The following CEP135 variants were observed in gnomAD, a reference collection of about 807,000 sequenced individuals.
CEP135 encodes the protein centrosomal protein of 135 kDa.
Under a neutral mutation model 157.3 loss-of-function variants are expected in CEP135, and 142 were observed. The ratio of observed to expected loss-of-function variants is 0.90; its 90% confidence interval spans 0.79 to 1.04. CEP135 has a LOEUF of 1.04. Ranked by LOEUF, CEP135 falls within the 50% of genes least tolerant of loss-of-function variation. The pLI is 0.00. For synonymous variants in CEP135, 396 were observed against 439.8 expected (o/e 0.90, Z 1.25); for missense variants, 1,317 against 1,309.2 (o/e 1.01, Z -0.09).
chr4:55,973,601 ATCTCC>A (rs1156883209), intron 10 of CEP135, among the ~76,000 whole-genome samples: 1 of 152,068 alleles, frequency 6.6e-6, no homozygotes, highest in Non-Finnish European at 1.5e-5. Flanking sequence ...CAAATTAATG[ATCTCC>A]TCTCCATAGT....
At chr4:55,970,098 C>A (rs960035153) in intron 9 of CEP135, among the ~76,000 whole-genome samples, 3 of 151,512 alleles carry the variant, frequency 2.0e-5, no homozygotes, top group Admixed American at 6.6e-5. Context: ...TCTCAAACTC[C>A]TGGACTCAAG....
At chr4:56,030,736 T>C (rs900827705) in intron 25 of CEP135, among the ~76,000 whole-genome samples, 1 of 152,206 alleles carries the variant, frequency 6.6e-6, no homozygotes, top group Non-Finnish European at 1.5e-5. Flanking sequence ...ATTACAGGCA[T>C]GAGCCACTGC....
Position 56,017,836 on chromosome 4 carries a change from G to T in CEP135, c.2991G>T (p.Ser997=), listed in dbSNP as rs200864117. 5.9e-5 allele frequency: 95 copies of T among 1,612,462 alleles called. No homozygotes were observed. The highest frequency in any genetic ancestry group is 5.2e-4 in the South Asian group (47 of 90,872). Residue 997 remains serine (S), a synonymous_variant, in exon 22 of 26, where the codon TCG becomes TCT. Coordinates refer to ENST00000257287, the MANE Select transcript of CEP135 (RefSeq NM_025009.5). The part of the protein sequence containing the change: ...GKDIMTQQLN[S]KNLEFERVVV... ...ATATTATGACCCAGCAATTGAATTC[G>T]AAAAACCTTGAGTTTGAGAGGGTAA...
In CEP135 at chr4:55,999,407, G is replaced by T. The variant is rs192298126; in HGVS notation, c.2115G>T (p.Glu705Asp). 375 of 1,613,728 alleles carry T rather than the reference G, an allele frequency of 2.3e-4. No homozygotes were observed. In the East Asian group the frequency reaches 8.1e-3, roughly 35 times the overall value. The change falls in exon 16 of 26, where the codon GAG (glutamate) becomes GAT (aspartate). Residue 705 changes from glutamate to aspartate, a missense_variant. Coordinates refer to ENST00000257287, the MANE Select transcript of CEP135 (RefSeq NM_025009.5). ...CCCAAGCACAAATTAAAATACTGGAGGAAAAGATAGGTAAATGTTTTAAAA... is the reference window on the plus strand; with the variant it reads ...CCCAAGCACAAATTAAAATACTGGATGAAAAGATAGGTAAATGTTTTAAAA... ...ESAQAQIKILEEKIDELNLKM... is the reference protein window; with the variant it reads ...ESAQAQIKILDEKIDELNLKM...
chr4:56,003,571 TC>T, intron 17 of CEP135, among the ~76,000 whole-genome samples: 1 of 152,310 alleles, frequency 6.6e-6, no homozygotes, highest in Middle Eastern at 3.4e-3. Context: ...TTTCTGGCCT[TC>T]TACTAACTTG....
intron 19 of CEP135, among the ~76,000 whole-genome samples, chr4:56,010,772 A>AAT (rs1417138165): frequency 6.6e-6 from 1 of 152,220 alleles, no homozygotes; most frequent in Non-Finnish European, 1.5e-5. Flanking sequence ...ACTGTTTTAA[A>AAT]CATCTTACGT....
intron 6 of CEP135, among the ~76,000 whole-genome samples, chr4:55,963,913 A>T (rs1369920944): frequency 6.6e-6 from 1 of 152,180 alleles, no homozygotes; most frequent in Non-Finnish European, 1.5e-5. Context: ...TCTACCAGGA[A>T]CTGAAGTAGT....
chr4:56,015,565 G>T (rs979301705), intron 21 of CEP135, among the ~76,000 whole-genome samples: 1 of 152,206 alleles, frequency 6.6e-6, no homozygotes, highest in African/African-American at 2.4e-5. Context: ...ATTATTTTTG[G>T]GTTTTGAAAT....
chr4:55,976,486 T>G (rs1729226548), intron 11 of CEP135, among the ~76,000 whole-genome samples: 1 of 152,216 alleles, frequency 6.6e-6, no homozygotes, highest in African/African-American at 2.4e-5. Context: ...CCAAAATATT[T>G]GATCCATTTG....
chr4:55,996,428 C>T (rs186703892), intron 15 of CEP135, among the ~76,000 whole-genome samples: 5 of 152,290 alleles, frequency 3.3e-5, no homozygotes, highest in African/African-American at 1.2e-4. Context: ...GTCTTCTGGG[C>T]ATTCCTAACA....
At chr4:56,003,131 G>T (rs770783810) in intron 17 of CEP135, among the ~76,000 whole-genome samples, 1 of 151,908 alleles carries the variant, frequency 6.6e-6, no homozygotes, top group Non-Finnish European at 1.5e-5. Context: ...AACCTTAAAG[G>T]TTTGTTGATT....
At chr4:55,971,479 ATATT>A (rs1025924507) in intron 10 of CEP135, 71 bp downstream of exon 10, 21 of 1,354,328 alleles carry the variant, frequency 1.6e-5, no homozygotes, top group Middle Eastern at 2.5e-4. Context: ...TTCTTAGTAG[ATATT>A]CATTCATTCA....
At chr4:55,954,137 T>C in intron 3 of CEP135, 79 bp from the exon 4 acceptor site, 1 of 1,301,614 alleles carries the variant, frequency 7.7e-7, no homozygotes, top group South Asian at 1.6e-5. Flanking sequence ...TGATATGACT[T>C]TTTGTATTTT....
intron 5 of CEP135, among the ~76,000 whole-genome samples, 192 bp from the exon 6 acceptor site, chr4:55,959,490 A>G (rs1402840390): frequency 2.0e-5 from 2 of 101,104 alleles, no homozygotes; most frequent in African/African-American, 9.1e-5. Flanking sequence ...TCAGTTTTAA[A>G]TCTTGTTACA....
intron 25 of CEP135, among the ~76,000 whole-genome samples, chr4:56,025,416 A>G (rs1040214537): frequency 2.0e-5 from 3 of 152,228 alleles, no homozygotes; most frequent in African/African-American, 7.2e-5. Context: ...AAATGTAGAC[A>G]AAGCATAGAA....
intron 8 of CEP135, chr4:55,966,063 C>G: frequency 1.9e-6 from 1 of 515,602 alleles, no homozygotes; most frequent in South Asian, 2.4e-5. Flanking sequence ...GTTTGAGTGT[C>G]TCTCTGAAGC....
At chr4:55,950,554 G>T (rs897220817) in intron 1 of CEP135, among the ~76,000 whole-genome samples, 2 of 152,042 alleles carry the variant, frequency 1.3e-5, no homozygotes, top group African/African-American at 4.8e-5. Flanking sequence ...GGAGGTAGAG[G>T]TGGGAGAATA....
intron 17 of CEP135, among the ~76,000 whole-genome samples, chr4:56,002,081 G>A (rs544215257): frequency 4.0e-4 from 61 of 151,974 alleles, no homozygotes; most frequent in Admixed American, 9.8e-4. Flanking sequence ...GTTGATTTTT[G>A]TAATCTTGAT....
intron 18 of CEP135, among the ~76,000 whole-genome samples, chr4:56,009,445 A>G (rs1349402152): frequency 1.3e-5 from 2 of 152,160 alleles, no homozygotes; most frequent in Non-Finnish European, 2.9e-5. Context: ...TACAGGCGTG[A>G]GCCACCGCGC....
Sources: gnomAD v4.1 joint callset for allele counts (sites outside exome capture counted in the v4.1 genomes callset) on GRCh38, gnomAD v4.1.1 for gene constraint, MANE v1.5 for transcripts, NCBI Gene and HGNC (gene_info 2026-07-23, HGNC 2026-07-21) for gene names.